The following CR1 variants were observed in gnomAD, a reference collection of about 807,000 sequenced individuals.
CR1 encodes complement receptor type 1.
A neutral mutation model predicts 187.3 loss-of-function variants in CR1; 116 were observed. That is an observed-to-expected ratio of 0.62 (90% confidence interval 0.53 to 0.72). CR1 has a LOEUF of 0.72. Ranked by LOEUF, CR1 falls within the 30% of genes least tolerant of loss-of-function variation. The probability of loss-of-function intolerance (pLI) is 0.00; values close to 1 mark genes in which losing one functional copy is unlikely to be tolerated. For missense variants in CR1, 1,731 were observed against 2,110.7 expected, an observed-to-expected ratio of 0.82 and a Z score of 3.52; for synonymous variants, 576 against 747.1, an observed-to-expected ratio of 0.77 and a Z score of 3.73.
intron 5 of CR1, 32 bp downstream of exon 5, chr1:207,524,041 C>A: frequency 6.2e-7 from 1 of 1,611,676 alleles, no homozygotes; most frequent in South Asian, 1.1e-5. Context: ...AAGGGCCCTG[C>A]CAGTGACATG....
At chr1:207,629,313 C>A (rs1340833399) in intron 45 of CR1, among the ~76,000 whole-genome samples, 1 of 152,154 alleles carries the variant, frequency 6.6e-6, no homozygotes, top group East Asian at 1.9e-4. Flanking sequence ...TTCACATTAA[C>A]CACCAGTAAC....
intron 42 of CR1, among the ~76,000 whole-genome samples, chr1:207,619,032 G>A (rs1242916405): frequency 2.7e-5 from 2 of 74,092 alleles, no homozygotes; most frequent in South Asian, 3.9e-4. Flanking sequence ...GCAAGACTCC[G>A]TCTCAAAAAA....
intron 1 of CR1, 23 bp from the exon 2 acceptor site, chr1:207,505,881 G>A (rs1659412082): frequency 6.3e-7 from 1 of 1,578,824 alleles, no homozygotes; most frequent in South Asian, 1.2e-5. Context: ...TAACTTTGAT[G>A]CTTCTATGGT....
chr1:207,574,564 A>G (rs1660677217), intron 27 of CR1, among the ~76,000 whole-genome samples: 1 of 152,058 alleles, frequency 6.6e-6, no homozygotes. Context: ...AAGAAAAAAC[A>G]ACAATAAAAA....
intron 40 of CR1, among the ~76,000 whole-genome samples, chr1:207,614,933 C>T (rs1198964771): frequency 6.6e-6 from 1 of 152,082 alleles, no homozygotes. Context: ...CCTCAGCCTC[C>T]CAGTAGTTGG....
intron 33 of CR1, among the ~76,000 whole-genome samples, chr1:207,586,004 G>C (rs1661100601): frequency 6.6e-6 from 1 of 152,064 alleles, no homozygotes; most frequent in Non-Finnish European, 1.5e-5. Context: ...TGTAAAAACT[G>C]TAAAACAAAA....
Position 207,496,294 on chromosome 1 carries a change from G to A in CR1, c.27G>A (p.Pro9=). MGASSPRS[P]EPVGPPAPGL... is the part of the protein sequence containing the mutation. ...TGGGGGCCTCTTCTCCAAGAAGCCC[G>A]GAGCCTGTCGGGCCGCCGGCGCCCG... The change falls in exon 1 of 47, where the codon CCG becomes CCA. Residue 9 remains proline (P), a synonymous_variant. Coordinates refer to ENST00000367049, the MANE Select transcript of CR1 (RefSeq NM_000651.6). 6.2e-7 allele frequency: 1 copy of A among 1,613,772 alleles called. No individual in the cohort carries two copies. Among genetic ancestry groups the A allele is most frequent in the South Asian group, 1.1e-5 (1 of 91,074 alleles).
At chr1:207,515,062 T>G (rs1023893588) in intron 4 of CR1, among the ~76,000 whole-genome samples, 1 of 147,008 alleles carries the variant, frequency 6.8e-6, no homozygotes, top group Non-Finnish European at 1.5e-5. Context: ...TATATGTATA[T>G]ATACGTATAT....
chr1:207,499,735 A>G (rs534420844), intron 1 of CR1, among the ~76,000 whole-genome samples: 1 of 152,280 alleles, frequency 6.6e-6, no homozygotes, highest in East Asian at 1.9e-4. Flanking sequence ...TATCCCTGCT[A>G]GGTAAAGGTG....
chr1:207,584,604 C>T, intron 32 of CR1, 45 bp from the exon 33 acceptor site: 1 of 1,596,256 alleles, frequency 6.3e-7, no homozygotes, highest in East Asian at 2.2e-5. Context: ...TTGGATTATA[C>T]TTTAAAATTT....
At chr1:207,619,308 A>G (rs563650708) in intron 42 of CR1, among the ~76,000 whole-genome samples, 2 of 146,880 alleles carry the variant, frequency 1.4e-5, no homozygotes, top group Non-Finnish European at 3.0e-5. Context: ...GCTTGAACCC[A>G]GGAGGTAGAG....
At chr1:207,617,804 A>G (rs563096422) in intron 41 of CR1, among the ~76,000 whole-genome samples, 23 of 151,504 alleles carry the variant, frequency 1.5e-4, no homozygotes, top group Admixed American at 4.0e-4. Flanking sequence ...ACAGCACTGA[A>G]TCGGTAGCTT....
intron 40 of CR1, 101 bp downstream of exon 40, chr1:207,614,590 C>T (rs1378619948): frequency 1.2e-6 from 1 of 832,092 alleles, no homozygotes. Flanking sequence ...CTTTACTTAA[C>T]TAAATTATGG....
chr1:207,502,781 T>G (rs1659311647), intron 1 of CR1, among the ~76,000 whole-genome samples: 1 of 152,250 alleles, frequency 6.6e-6, no homozygotes, highest in Non-Finnish European at 1.5e-5. Context: ...AGGCTTCCAA[T>G]TCTGACTAAA....
chr1:207,626,563 C>A (rs1394228686), intron 45 of CR1, among the ~76,000 whole-genome samples: 23 of 152,174 alleles, frequency 1.5e-4, no homozygotes, highest in Admixed American at 1.5e-3. Flanking sequence ...GTCACCAAGT[C>A]AGAAGAGCCA....
intron 27 of CR1, among the ~76,000 whole-genome samples, 165 bp from the exon 28 acceptor site, chr1:207,575,429 GA>G (rs1660711531): frequency 6.6e-6 from 1 of 152,210 alleles, no homozygotes. Context: ...TTTCAATAAT[GA>G]AAGAATAAGA....
rs1391023410 is a variant in CR1 at position 207,526,243 on chromosome 1, A to G, written c.887-510A>G. 3.9e-5 allele frequency among the ~76,000 whole-genome samples: 6 copies of G among 152,024 alleles called. 1 individual carries two copies. The highest frequency in any genetic ancestry group is 5.9e-5 in the Non-Finnish European group (4 of 68,050). On this transcript the variant is annotated intron_variant, in intron 5 of 46. Coordinates refer to ENST00000367049, the MANE Select transcript of CR1 (RefSeq NM_000651.6). Reference sequence around the variant, plus strand: ...ACCATCCTATGTCAGGTGGCCGCTGAGAGAAGACTTGAAAGGAGATGAGCA... The same window carrying G: ...ACCATCCTATGTCAGGTGGCCGCTGGGAGAAGACTTGAAAGGAGATGAGCA...
intron 34 of CR1, 26 bp from the exon 35 acceptor site, chr1:207,588,649 A>G (rs768946072): frequency 2.0e-6 from 3 of 1,513,924 alleles, no homozygotes; most frequent in South Asian, 2.3e-5. Flanking sequence ...TCTATATTTA[A>G]TCCCAAATTC....
chr1:207,582,524 T>A (rs961828531), intron 32 of CR1, among the ~76,000 whole-genome samples: 1 of 152,226 alleles, frequency 6.6e-6, no homozygotes, highest in African/African-American at 2.4e-5. Flanking sequence ...GTTCAAATGA[T>A]ACTAAGTGTT....
Sources: gnomAD v4.1 joint callset for allele counts (sites outside exome capture counted in the v4.1 genomes callset) on GRCh38, gnomAD v4.1.1 for gene constraint, MANE v1.5 for transcripts, NCBI Gene and HGNC (gene_info 2026-07-23, HGNC 2026-07-21) for gene names.